The following CDHR3 variants were observed in gnomAD, a reference collection of about 807,000 sequenced individuals.
The protein encoded by CDHR3 is cadherin-related family member 3.
CDHR3 carries 79 observed loss-of-function variants against 86.6 expected under a neutral mutation model. The ratio of observed to expected loss-of-function variants is 0.91; its 90% CI spans 0.76 to 1.10. The LOEUF is 1.10. Among genes scored for constraint, CDHR3 ranks in the 50% least tolerant of loss-of-function variants. CDHR3 has a pLI of 0.00. For synonymous variants in CDHR3, 421 were observed against 402.4 expected (o/e 1.05, Z -0.55); for missense variants, 1,081 against 1,077.6 (o/e 1.00, Z -0.04).
intron 4 of CDHR3, among the ~76,000 whole-genome samples, chr7:105,993,550 C>T (rs540202217): frequency 6.9e-4 from 105 of 151,902 alleles, no homozygotes; most frequent in African/African-American, 2.4e-3. Context: ...GTGGCACACA[C>T]CTGTAGTCCC....
At chr7:105,992,276 A>T (rs1286072799) in intron 4 of CDHR3, among the ~76,000 whole-genome samples, 3 of 152,208 alleles carry the variant, frequency 2.0e-5, no homozygotes, top group Non-Finnish European at 4.4e-5. Context: ...TACATACAGT[A>T]AATCTCCTCC....
At chr7:106,029,871 G>A (rs1278921117) in intron 17 of CDHR3, among the ~76,000 whole-genome samples, 1 of 152,214 alleles carries the variant, frequency 6.6e-6, no homozygotes, top group Non-Finnish European at 1.5e-5. Flanking sequence ...CCTTGGGGAT[G>A]CCACTTAGCG....
rs181475184 is a variant in CDHR3, at chr7:106,014,335, A to G, written c.1225-776A>G. Reference sequence around the variant, plus strand: ...GAAACCACAGATAGTACCAGACCCTACATATGTTATGTTTTTTCCTTCTAT... The same window carrying G: ...GAAACCACAGATAGTACCAGACCCTGCATATGTTATGTTTTTTCCTTCTAT... On this transcript the variant is annotated intron_variant, in intron 9 of 18. Transcript: ENST00000317716. 3.3e-5 allele frequency among the ~76,000 whole-genome samples: 5 copies of G among 152,336 alleles called. No individual in the cohort carries two copies. The East Asian group carries it at 9.6e-4, about 29-fold the overall frequency.
Position 106,015,195 on chromosome 7 carries a change from G to A in CDHR3, c.1309G>A (p.Ala437Thr), listed in dbSNP as rs1835407142. Residue 437 changes from alanine to threonine, a missense_variant, in exon 10 of 19, where the codon GCC becomes ACC. By Grantham distance (58) the Ala-to-Thr change is moderately conservative. Coordinates refer to ENST00000317716, the MANE Select transcript of CDHR3 (RefSeq NM_152750.5). ...YTVIIQVQDV[A>T]PPYYKNNVYV... ...GGTGATAATCCAGGTGCAGGATGTGGCCCCCCCTTACTATAAAAGCAAGTA... is the reference window on the plus strand; with the variant it reads ...GGTGATAATCCAGGTGCAGGATGTGACCCCCCCTTACTATAAAAGCAAGTA... The A allele has an allele frequency of 5.6e-6, 9 of 1,609,204 alleles. No homozygotes were observed. The highest frequency in any genetic ancestry group is 7.6e-6 in the Non-Finnish European group (9 of 1,177,900).
rs73195662 is a variant in CDHR3 at position 106,018,014 on chromosome 7, C to A, written c.1595C>A (p.Thr532Asn). ...GTAACTAAAGTGGACTGTGAAACAACCCCCATCTATATTCTCAGAATCCAG... is the reference window on the plus strand; with the variant it reads ...GTAACTAAAGTGGACTGTGAAACAAACCCCATCTATATTCTCAGAATCCAG... ...QLVTKVDCET[T>N]PIYILRIQAT... is the part of the protein sequence containing the mutation. Residue 532 changes from threonine (T) to asparagine (N), a missense_variant, in exon 12 of 19, where the codon ACC (threonine) becomes AAC (asparagine). Physicochemically the swap from Thr to Asn is moderately conservative, Grantham distance 65. Transcript: ENST00000317716. 3 of 1,613,598 alleles carry A rather than the reference C, an allele frequency of 1.9e-6. No individual in the cohort carries two copies. The highest frequency in any genetic ancestry group is 2.5e-6 in the Non-Finnish European group (3 of 1,179,766).
Position 106,032,399 on chromosome 7 carries a change from G to A in CDHR3, c.2360G>A (p.Gly787Glu), listed in dbSNP as rs1160619227. 6.2e-6 allele frequency: 10 copies of A among 1,605,706 alleles called. No individual in the cohort carries two copies. In the Admixed American group the frequency reaches 1.4e-4, roughly 22 times the overall value. Residue 787 changes from glycine (G) to glutamate (E), a missense_variant, in exon 19 of 19, where the codon GGG (glycine) becomes GAG (glutamate). By Grantham distance (98) the Gly-to-Glu change is moderately conservative. Transcript: ENST00000317716. Reference protein sequence around the residue: ...FDGEAIDPVTGETYEFNSKTG... With the variant: ...FDGEAIDPVTEETYEFNSKTG... ...TGTATTTTTTTTTCACTAGTGACCG[G>A]GGAAACATATGAATTCAACTCAAAA...
chr7:106,004,921 T>C (rs990942423), intron 8 of CDHR3: 1 of 546,880 alleles, frequency 1.8e-6, no homozygotes, highest in African/African-American at 1.9e-5. Context: ...TTCTTACTCT[T>C]AAGAATTATT....
At chr7:106,020,605 G>A (rs1038670254) in intron 13 of CDHR3, 61 bp downstream of exon 13, 51 of 1,552,648 alleles carry the variant, frequency 3.3e-5, no homozygotes, top group Non-Finnish European at 4.3e-5. Context: ...GTTGTCTAGG[G>A]TAGGGGTCTG....
At chr7:105,980,175 T>G (rs1015961325) in intron 2 of CDHR3, among the ~76,000 whole-genome samples, 8 of 152,252 alleles carry the variant, frequency 5.3e-5, no homozygotes, top group African/African-American at 1.9e-4. Flanking sequence ...ATCTCTTGTT[T>G]ATTTTTGGAT....
intron 16 of CDHR3, among the ~76,000 whole-genome samples, chr7:106,027,141 A>T (rs1216176505): frequency 6.6e-6 from 1 of 152,174 alleles, no homozygotes; most frequent in Non-Finnish European, 1.5e-5. Flanking sequence ...TCACGCCTGT[A>T]ATCCCAGCAC....
intron 4 of CDHR3, 122 bp from the exon 5 acceptor site, chr7:105,994,629 T>A (rs934045440): frequency 1.4e-6 from 1 of 717,068 alleles, no homozygotes. Flanking sequence ...TTGAACCGCA[T>A]CCTGATGCAT....
intron 4 of CDHR3, among the ~76,000 whole-genome samples, chr7:105,988,719 C>T (rs541650749): frequency 3.9e-5 from 6 of 152,288 alleles, no homozygotes; most frequent in South Asian, 2.1e-4. Flanking sequence ...CAATATTGGA[C>T]CGGCTCTGTC....
chr7:105,986,077 A>G (rs529503027), intron 4 of CDHR3, among the ~76,000 whole-genome samples: 1 of 152,318 alleles, frequency 6.6e-6, no homozygotes, highest in Non-Finnish European at 1.5e-5. Context: ...CCATGCAAGA[A>G]AAAGAAAGAA....
chr7:105,986,897 A>G (rs1279414290), intron 4 of CDHR3, among the ~76,000 whole-genome samples: 2 of 152,172 alleles, frequency 1.3e-5, no homozygotes, highest in Non-Finnish European at 2.9e-5. Flanking sequence ...CCAAGATGTC[A>G]TATTTTGGGG....
Position 106,016,106 on chromosome 7 carries a change from C to T in CDHR3, c.1426+81C>T, listed in dbSNP as rs558984770. The T allele has an allele frequency of 3.1e-5, 26 of 841,208 alleles. No individual in the cohort carries two copies. The East Asian group carries it at 6.2e-4, about 20-fold the overall frequency. The allele number at this position is 841,208 out of a possible 1,614,324, so 52.1% of individuals were successfully genotyped here. A position where few individuals can be genotyped will look rare whatever the true frequency, so the allele number is the denominator to read the frequency against. On this transcript the variant is annotated intron_variant, in intron 11 of 18. Coordinates refer to ENST00000317716, the MANE Select transcript of CDHR3 (RefSeq NM_152750.5). ...TGTGTTCTGTGGAGTGGAAAACTCCCTTCTGGAGGCCTCGCATGCTGTTTT... is the reference window on the plus strand; with the variant it reads ...TGTGTTCTGTGGAGTGGAAAACTCCTTTCTGGAGGCCTCGCATGCTGTTTT...
intron 1 of CDHR3, 108 bp from the exon 2 acceptor site, chr7:105,974,736 C>T: frequency 2.5e-6 from 2 of 798,398 alleles, no homozygotes; most frequent in Admixed American, 2.1e-5. Flanking sequence ...GACCAGCTCT[C>T]ATCGTCACCC....
chr7:106,002,773 G>T (rs1266286731), intron 7 of CDHR3, among the ~76,000 whole-genome samples: 2 of 152,132 alleles, frequency 1.3e-5, no homozygotes, highest in Non-Finnish European at 2.9e-5. Context: ...AGAAATAGGA[G>T]AAATTAATTT....
intron 10 of CDHR3, 27 bp from the exon 11 acceptor site, chr7:106,015,900 T>G: frequency 2.1e-6 from 3 of 1,449,498 alleles, no homozygotes; most frequent in Non-Finnish European, 2.9e-6. Context: ...GATTTGTGAT[T>G]AAATGTGTTT....
At chr7:105,969,168 GGGCGGAT>G (rs1827490673) in intron 1 of CDHR3, among the ~76,000 whole-genome samples, 1 of 150,532 alleles carries the variant, frequency 6.6e-6, no homozygotes, top group Non-Finnish European at 1.5e-5. Flanking sequence ...AGGCCGAGGC[GGGCGGAT>G]CACGAGGTCA....
Sources: gnomAD v4.1 joint callset for allele counts (sites outside exome capture counted in the v4.1 genomes callset) on GRCh38, gnomAD v4.1.1 for gene constraint, MANE v1.5 for transcripts, NCBI Gene and HGNC (gene_info 2026-07-23, HGNC 2026-07-21) for gene names.